The following NAALADL2 variants were observed in gnomAD, a reference collection of about 807,000 sequenced individuals.
The protein encoded by NAALADL2 is N-acetylated alpha-linked acidic dipeptidase like 2.
NAALADL2 carries 76 observed loss-of-function variants against 87.2 expected under a neutral mutation model. The ratio of observed to expected loss-of-function variants is 0.87; its 90% CI spans 0.72 to 1.05. The LOEUF (loss-of-function observed/expected upper bound fraction) is 1.05, where lower values mean the gene tolerates loss of function less well. Among genes scored for constraint, NAALADL2 ranks in the 50% least tolerant of loss-of-function variants. The pLI is 0.00. For synonymous variants in NAALADL2, 354 were observed against 331.0 expected, an observed-to-expected ratio of 1.07 and a Z score of -0.75; for missense variants, 1,089 against 945.8, an observed-to-expected ratio of 1.15 and a Z score of -1.99.
At chr3:174,516,168 C>T (rs543286025) in intron 1 of NAALADL2, among the ~76,000 whole-genome samples, 16 of 152,178 alleles carry the variant, frequency 1.1e-4, no homozygotes, top group African/African-American at 3.6e-4. Flanking sequence ...GTTCCCAGAG[C>T]AAGCACTTCT....
At chr3:175,199,678 G>T (rs1429264223) in intron 2 of NAALADL2, among the ~76,000 whole-genome samples, 1 of 150,602 alleles carries the variant, frequency 6.6e-6, no homozygotes, top group African/African-American at 2.4e-5. Context: ...GATGTCCCTG[G>T]CCTCCCTGTT....
Position 174,949,660 on chromosome 3 carries a change from C to A in NAALADL2, c.43+90210C>A, listed in dbSNP as rs986999819. ...AACACGGAACACCATTGCACTATGCCCTTTACAAAGGAATGTTAGTATAAT... is the reference window on the plus strand; with the variant it reads ...AACACGGAACACCATTGCACTATGCACTTTACAAAGGAATGTTAGTATAAT... On this transcript the variant is annotated intron_variant, in intron 1 of 13. Coordinates refer to ENST00000454872, the MANE Select transcript of NAALADL2 (RefSeq NM_207015.3). Among the ~76,000 whole-genome samples, 4 of 152,062 alleles carry A rather than the reference C, an allele frequency of 2.6e-5. 1 individual carries two copies. Among genetic ancestry groups the A allele is most frequent in the African/African-American group, 9.7e-5 (4 of 41,420 alleles).
At chr3:175,793,012 G>T (rs757802736) in intron 13 of NAALADL2, among the ~76,000 whole-genome samples, 7 of 152,180 alleles carry the variant, frequency 4.6e-5, no homozygotes, top group Non-Finnish European at 1.0e-4. Context: ...CCTCTCAAAT[G>T]TACGTGCCAA....
intron 1 of NAALADL2, among the ~76,000 whole-genome samples, chr3:174,442,138 C>T (rs1714699799): frequency 6.6e-6 from 1 of 152,116 alleles, no homozygotes; most frequent in South Asian, 2.1e-4. Context: ...TCTGTGCTGA[C>T]TGGTGACAGG....
At chr3:174,880,045 C>T (rs1729008342) in intron 1 of NAALADL2, among the ~76,000 whole-genome samples, 1 of 152,012 alleles carries the variant, frequency 6.6e-6, no homozygotes, top group Non-Finnish European at 1.5e-5. Flanking sequence ...GTTATACCTG[C>T]TTTCTTAATA....
intron 11 of NAALADL2, among the ~76,000 whole-genome samples, chr3:175,682,752 A>G (rs191606986): frequency 6.6e-6 from 1 of 152,020 alleles, no homozygotes; most frequent in Non-Finnish European, 1.5e-5. Context: ...TTGTCCTTGA[A>G]CTATAGGCAT....
chr3:174,898,824 G>T (rs1009255974), intron 1 of NAALADL2, among the ~76,000 whole-genome samples: 1 of 152,078 alleles, frequency 6.6e-6, no homozygotes, highest in African/African-American at 2.4e-5. Flanking sequence ...TAAAAGAAAA[G>T]CAAGGAAAGT....
At chr3:174,930,685 G>T (rs556913114) in intron 1 of NAALADL2, among the ~76,000 whole-genome samples, 51 of 135,702 alleles carry the variant, frequency 3.8e-4, no homozygotes, top group African/African-American at 1.4e-3. Flanking sequence ...CCAGTGGCGC[G>T]ATCTCGGCTC....
At chr3:174,441,861 T>C (rs1343295180) in intron 1 of NAALADL2, among the ~76,000 whole-genome samples, 1 of 152,142 alleles carries the variant, frequency 6.6e-6, no homozygotes. Context: ...AAGCTGTCTT[T>C]ATTTACTAGG....
At chr3:175,442,309 A>ATG (rs1719919149) in intron 5 of NAALADL2, among the ~76,000 whole-genome samples, 1 of 151,720 alleles carries the variant, frequency 6.6e-6, no homozygotes. Context: ...GTATATATAT[A>ATG]TATACTGGTT....
chr3:174,898,100 G>A (rs1256121897), intron 1 of NAALADL2, among the ~76,000 whole-genome samples: 2 of 73,536 alleles, frequency 2.7e-5, no homozygotes, highest in Admixed American at 2.5e-4. Flanking sequence ...GTGACAGAGC[G>A]AGACTCCGTC....
chr3:174,702,891 C>A (rs1384198372), intron 2 of NAALADL2, among the ~76,000 whole-genome samples: 1 of 152,084 alleles, frequency 6.6e-6, no homozygotes, highest in Non-Finnish European at 1.5e-5. Flanking sequence ...TATGTGGATG[C>A]TTCCTATAAG....
intron 4 of NAALADL2, among the ~76,000 whole-genome samples, chr3:175,264,374 A>G (rs1174137336): frequency 3.3e-5 from 5 of 151,862 alleles, no homozygotes; most frequent in Non-Finnish European, 5.9e-5. Flanking sequence ...GAAGCCCTTA[A>G]TATCTGTATG....
At chr3:175,030,417 GACAA>G (rs1453955188) in intron 1 of NAALADL2, among the ~76,000 whole-genome samples, 6 of 151,998 alleles carry the variant, frequency 3.9e-5, no homozygotes, top group African/African-American at 1.2e-4. Flanking sequence ...TTTACAATGA[GACAA>G]ACAACTTATC....
At chr3:175,667,882 T>G (rs1190567885) in intron 11 of NAALADL2, among the ~76,000 whole-genome samples, 2 of 152,030 alleles carry the variant, frequency 1.3e-5, no homozygotes, top group African/African-American at 2.4e-5. Flanking sequence ...TTAATACTCT[T>G]AAAATCTACC....
rs1049229853 is a variant in NAALADL2, at chr3:175,038,750, C to T, written c.44-58040C>T. Among the ~76,000 whole-genome samples, 4 of 151,834 alleles carry T rather than the reference C, an allele frequency of 2.6e-5. No homozygotes were observed. The East Asian group carries it at 7.7e-4, about 29-fold the overall frequency. On this transcript the variant is annotated intron_variant, in intron 1 of 13. Coordinates refer to ENST00000454872, the MANE Select transcript of NAALADL2 (RefSeq NM_207015.3). ...AATATCTGGGTTTAGCACGTAATAT[C>T]TAAATTTTACGTGCTGAGGTGGAAG...
intron 4 of NAALADL2, among the ~76,000 whole-genome samples, chr3:175,263,407 A>C (rs927285057): frequency 6.6e-6 from 1 of 151,922 alleles, no homozygotes; most frequent in Non-Finnish European, 1.5e-5. Flanking sequence ...CATGGCTTAA[A>C]ACCAAATAAA....
At chr3:175,261,666 C>T (rs1419508039) in intron 4 of NAALADL2, among the ~76,000 whole-genome samples, 2 of 151,778 alleles carry the variant, frequency 1.3e-5, no homozygotes, top group Non-Finnish European at 2.9e-5. Flanking sequence ...TTTCATTATT[C>T]TTATATACTT....
Position 174,761,438 on chromosome 3 carries a change from C to T in NAALADL2, c.-9+23692C>T, listed in dbSNP as rs1479850604. ...ACAGTAGAAAAATAGTATATTAACT[C>T]CATATTACATGATACATAAAAATGG... is the stretch of plus-strand genomic sequence containing the variant. On this transcript the variant is annotated intron_variant, in intron 3 of 3. Transcript: ENST00000434257. 2.0e-5 allele frequency among the ~76,000 whole-genome samples: 3 copies of T among 151,932 alleles called. No individual in the cohort carries two copies. The East Asian group carries it at 5.8e-4, about 29-fold the overall frequency.
Sources: gnomAD v4.1 joint callset for allele counts (sites outside exome capture counted in the v4.1 genomes callset) on GRCh38, gnomAD v4.1.1 for gene constraint, MANE v1.5 for transcripts, NCBI Gene and HGNC (gene_info 2026-07-23, HGNC 2026-07-21) for gene names.